The following MYH14 variants were observed in gnomAD, a reference collection of about 807,000 sequenced individuals.
MYH14 encodes the protein myosin-14.
In MYH14, 123 loss-of-function variants were observed where a neutral mutation model predicts 255.5. That is an observed-to-expected ratio of 0.48 (90% confidence interval 0.42 to 0.56). The LOEUF (loss-of-function observed/expected upper bound fraction) is 0.56. MYH14 is among the 20% of genes least tolerant of loss of function. The probability of loss-of-function intolerance (pLI) is 0.00; values close to 1 mark genes in which losing one functional copy is unlikely to be tolerated. For missense variants in MYH14, 2,423 were observed against 2,802.3 expected (o/e 0.86, Z 3.06); for synonymous variants, 1,095 against 1,161.2 (o/e 0.94, Z 1.16).
At chr19:50,241,721 C>T (rs1156424067) in intron 10 of MYH14, among the ~76,000 whole-genome samples, 2 of 151,732 alleles carry the variant, frequency 1.3e-5, no homozygotes, top group Non-Finnish European at 2.9e-5. Context: ...TGGCTCACTG[C>T]AGCCTCGACT....
chr19:50,273,695 G>A (rs2035403120), intron 27 of MYH14, among the ~76,000 whole-genome samples: 1 of 151,920 alleles, frequency 6.6e-6, no homozygotes, highest in Admixed American at 6.6e-5. Context: ...AGGCTGGAGT[G>A]CAATGGTGTG....
intron 35 of MYH14, 99 bp from the exon 36 acceptor site, chr19:50,290,788 C>A: frequency 7.7e-7 from 1 of 1,301,900 alleles, no homozygotes; most frequent in Non-Finnish European, 1.1e-6. Context: ...GGGCTTGCAG[C>A]CTGGGCAGGA....
chr19:50,272,437 A>G (rs943083139), intron 26 of MYH14, 123 bp from the exon 27 acceptor site: 5 of 994,692 alleles, frequency 5.0e-6, no homozygotes, highest in Non-Finnish European at 7.7e-6. Flanking sequence ...TGGGAGGAGG[A>G]GAAGGCGTTA....
At chr19:50,275,453 C>G (rs771554296) in intron 27 of MYH14, among the ~76,000 whole-genome samples, 19 of 152,196 alleles carry the variant, frequency 1.2e-4, no homozygotes, top group Non-Finnish European at 1.9e-4. Context: ...AAAGCACTGG[C>G]ATGAGGCAGG....
At chr19:50,225,522 G>A in intron 6 of MYH14, 63 bp from the exon 7 acceptor site, 1 of 1,335,078 alleles carries the variant, frequency 7.5e-7, no homozygotes, top group South Asian at 1.2e-5. Context: ...AGCCCGAGCT[G>A]GGCTGGCCTG....
intron 16 of MYH14, among the ~76,000 whole-genome samples, chr19:50,253,916 G>T (rs1259810068): frequency 6.6e-6 from 1 of 152,114 alleles, no homozygotes; most frequent in Non-Finnish European, 1.5e-5. Flanking sequence ...CATGCAATTT[G>T]GCAAGAAAAC....
intron 39 of MYH14, among the ~76,000 whole-genome samples, chr19:50,296,048 G>A (rs1483668767): frequency 1.3e-5 from 2 of 151,880 alleles, no homozygotes; most frequent in East Asian, 1.9e-4. Flanking sequence ...GGCGGAGGTT[G>A]CAGTGATCTG....
At chr19:50,257,148 A>G in intron 17 of MYH14, 151 bp from the exon 18 acceptor site, 1 of 610,620 alleles carries the variant, frequency 1.6e-6, no homozygotes, top group Non-Finnish European at 2.8e-6. Flanking sequence ...CCATCTGTCC[A>G]ATGAAGCTGA....
At chr19:50,220,232 A>G (rs4801821) in intron 3 of MYH14, among the ~76,000 whole-genome samples, 76,287 of 151,742 alleles carry the variant, frequency 0.5, 21,956 homozygotes, top group Non-Finnish European at 0.64. Flanking sequence ...ATATGAATAT[A>G]TTATACTTAT....
At chr19:50,289,863 T>A in intron 35 of MYH14, among the ~76,000 whole-genome samples, 1 of 151,912 alleles carries the variant, frequency 6.6e-6, no homozygotes, top group South Asian at 2.1e-4. Flanking sequence ...TGCCACTCAG[T>A]ATTTCTGCCA....
Position 50,266,963 on chromosome 19 carries a change from G to C in MYH14, c.2781G>C (p.Gln927His). The C allele has an allele frequency of 6.4e-7, 1 of 1,566,750 alleles. No homozygotes were observed. The highest frequency in any genetic ancestry group is 8.7e-7 in the Non-Finnish European group (1 of 1,155,760). Reference sequence around the variant, plus strand: ...TGCAGAAAGTGCAGGAGCTACAGCAGCAGAGCGCCCGCGAAGTTGGGGAGC... The same window carrying C: ...TGCAGAAAGTGCAGGAGCTACAGCACCAGAGCGCCCGCGAAGTTGGGGAGC... ...QELQKVQELQ[Q>H]QSAREVGELQ... The change falls in exon 23 of 43, where the codon CAG becomes CAC. Residue 927 changes from glutamine (Q) to histidine (H), a missense_variant. Physicochemically the swap from Gln to His is conservative, Grantham distance 24 (BLOSUM62 0). Around this residue, in one of 3 missense-constraint regions of MYH14, gnomAD observed 1,513 missense variants for 1,674.8 expected, o/e 0.90. Transcript: ENST00000642316. This position sits in a 1 kb window ranked among gnomAD's most constrained non-coding sequence, Gnocchi z 4.1.
intron 1 of MYH14, among the ~76,000 whole-genome samples, chr19:50,210,114 AAAAAAAAAAAAAAAG>A (rs1308938592): frequency 9.3e-5 from 14 of 150,086 alleles, no homozygotes; most frequent in African/African-American, 3.4e-4. Context: ...AAAAAAAAAA[AAAAAAAAAAAAAAAG>A]AACTGACCCT....
At position 50,293,945 on chromosome 19, in the gene MYH14, A is replaced by T. The variant is rs1483965553; in HGVS notation, c.5469+258A>T. Among the ~76,000 whole-genome samples, 2 of 152,210 alleles carry T rather than the reference A, an allele frequency of 1.3e-5. No homozygotes were observed. The highest frequency in any genetic ancestry group is 3.8e-4 in the East Asian group (2 of 5,200). ...GTGATCATGGAAGTCTCCTGGGCCC[A>T]GTAGAGAGAGAGAAAAGACTTTCTG... is the stretch of plus-strand genomic sequence containing the variant. On this transcript the variant is annotated intron_variant, in intron 39 of 42. Coordinates refer to ENST00000642316, the MANE Select transcript of MYH14 (RefSeq NM_001145809.2). The surrounding 1 kb of genome is among the most constrained non-coding windows in gnomAD (Gnocchi z 4.1).
rs1426504523 is a variant in MYH14 at position 50,244,280 on chromosome 19, A to C, written c.1153A>C (p.Asn385His). The part of the protein sequence containing the change: ...RMVSAVLQFG[N>H]IALKRERNTD... Reference sequence around the variant, plus strand: ...GGTCTCAGCAGTTCTCCAGTTTGGCAACATTGCCTTGAAGAGAGAACGGAA... The same window carrying C: ...GGTCTCAGCAGTTCTCCAGTTTGGCCACATTGCCTTGAAGAGAGAACGGAA... Residue 385 changes from asparagine (N) to histidine (H), a missense_variant, in exon 11 of 43, where the codon AAC becomes CAC. Physicochemically the swap from Asn to His is moderately conservative, Grantham distance 68. Transcript: ENST00000642316. The C allele has an allele frequency of 6.2e-7, 1 of 1,613,824 alleles. No individual in the cohort carries two copies. The highest frequency in any genetic ancestry group is 1.7e-5 in the Admixed American group (1 of 59,988).
At chr19:50,211,009 C>T (rs1410404200) in intron 2 of MYH14, among the ~76,000 whole-genome samples, 1 of 152,170 alleles carries the variant, frequency 6.6e-6, no homozygotes, top group Non-Finnish European at 1.5e-5. Flanking sequence ...TATTATTTTC[C>T]TAAAGTATAA....
rs921900524 is a variant in MYH14 at position 50,289,727 on chromosome 19, C to G, written c.4965+79C>G. On this transcript the variant is annotated intron_variant, in intron 35 of 42. Coordinates refer to ENST00000642316, the MANE Select transcript of MYH14 (RefSeq NM_001145809.2). ...TGTGTACAGGCAGCAAGAAGGGCAG[C>G]AAGGGGTCTCCCCGACCCACCCACC... 6.0e-6 allele frequency: 8 copies of G among 1,342,126 alleles called. No homozygotes were observed. In the African/African-American group the frequency reaches 1.2e-4, roughly 19 times the overall value. The allele number at this position is 1,342,126 out of a possible 1,614,324, so 83.1% of individuals were successfully genotyped here.
At chr19:50,297,533 T>G (rs1176800742) in intron 39 of MYH14, among the ~76,000 whole-genome samples, 2 of 130,154 alleles carry the variant, frequency 1.5e-5, no homozygotes, top group Non-Finnish European at 3.2e-5. Flanking sequence ...GTCTCGCTCT[T>G]GTCGCCTAGG....
chr19:50,263,312 G>T lies in MYH14; in HGVS notation c.2586G>T (p.Arg862Ser). 6.5e-7 allele frequency: 1 copy of T among 1,546,724 alleles called. No individual in the cohort carries two copies. The highest frequency in any genetic ancestry group is 8.7e-7 in the Non-Finnish European group (1 of 1,144,058). The change falls in exon 22 of 43, where the codon AGG becomes AGT. Residue 862 changes from arginine to serine, a missense_variant and splice_region_variant. Physicochemically the swap from Arg to Ser is moderately radical, Grantham distance 110. Transcript: ENST00000642316. ...GCCCCTCACCCATTTCCCCACCCAG[G>T]GCCTTCCAGAAGCGCCAGCAGCAGC... ...QAAARGYLAR[R>S]AFQKRQQQQS...
At chr19:50,247,170 G>A (rs1023208175) in intron 12 of MYH14, 48 bp downstream of exon 12, 15 of 1,332,294 alleles carry the variant, frequency 1.1e-5, no homozygotes, top group African/African-American at 4.3e-5. Flanking sequence ...CGCGCACCCC[G>A]GCCCTGGGTC....
Sources: allele counts gnomAD v4.1 joint callset (sites outside exome capture counted in the v4.1 genomes callset), GRCh38; gene constraint gnomAD v4.1.1; regional missense constraint gnomAD v4.1.1; non-coding constraint Gnocchi (gnomAD v3.1); transcripts MANE v1.5; gene names NCBI Gene and HGNC (gene_info 2026-07-23, HGNC 2026-07-21).